The following PRDX2 variants were observed in gnomAD, a reference collection of about 807,000 sequenced individuals.
PRDX2 encodes peroxiredoxin 2, also known as peroxiredoxin-2.
In PRDX2, 10 loss-of-function variants were observed where a neutral mutation model predicts 19.8. The ratio of observed to expected loss-of-function variants is 0.50; its 90% CI spans 0.31 to 0.86. PRDX2 has a LOEUF of 0.86. Among genes scored for constraint, PRDX2 ranks in the 40% least tolerant of loss-of-function variants. PRDX2 has a pLI of 0.04. For synonymous variants in PRDX2, 118 were observed against 108.2 expected (o/e 1.09, Z -0.56); for missense variants, 226 against 260.1 (o/e 0.87, Z 0.90).
rs1968802607 is a variant in PRDX2, at chr19:12,797,085, TTG to T, written c.591_592del (p.His197GlnfsTer63). 2 of 1,613,922 alleles carry T rather than the reference TTG, an allele frequency of 1.2e-6. No homozygotes were observed. The highest frequency in any genetic ancestry group is 1.7e-6 in the Non-Finnish European group (2 of 1,180,018). ...GCTCACTATCCGTTAGCCAGCCTAA[TTG>T]TGTTTGGAGAAATATTCCTTGCTGT... On this transcript the variant is annotated frameshift_variant, in exon 6 of 6. Coordinates refer to ENST00000301522, the MANE Select transcript of PRDX2 (RefSeq NM_005809.6). LOFTEE classifies it high-confidence loss of function.
chr19:12,800,523 T>A, intron 3 of PRDX2: 1 of 804,218 alleles, frequency 1.2e-6, no homozygotes, highest in South Asian at 1.9e-5. Flanking sequence ...TGGCTTCACA[T>A]GTACTTGTAA....
chr19:12,798,587 G>A (rs1376302825), intron 5 of PRDX2, among the ~76,000 whole-genome samples: 1 of 150,392 alleles, frequency 6.6e-6, no homozygotes, highest in South Asian at 2.1e-4. Flanking sequence ...CCGACCTCAG[G>A]TGATCCACCC....
At chr19:12,797,658 T>TTC (rs1161068776) in intron 5 of PRDX2, among the ~76,000 whole-genome samples, 81 of 140,228 alleles carry the variant, frequency 5.8e-4, no homozygotes, top group African/African-American at 2.1e-3. Flanking sequence ...CTTTCTTTCT[T>TTC]TTTTTTTTTT....
chr19:12,801,399 G>A lies in PRDX2; in HGVS notation c.-9-129C>T, dbSNP rs144735937. The A allele has an allele frequency of 2.9e-4, 292 of 1,007,378 alleles. No homozygotes were observed. The African/African-American group carries it at 3.7e-3, about 13-fold the overall frequency. 62.4% of individuals were successfully genotyped at this position (1,007,378 alleles called of 1,614,324 possible). On this transcript the variant is annotated intron_variant, in intron 1 of 5. Transcript: ENST00000301522. The stretch of plus-strand genomic sequence containing the variant: ...CGACAGCACTAACCCTCACCCTCCC[G>A]GGTACCCGGTCTACGAGGCCCGGAG...
At chr19:12,799,549 G>A (rs367886431) in intron 5 of PRDX2, 7 of 230,340 alleles carry the variant, frequency 3.0e-5, no homozygotes, top group African/African-American at 9.1e-5. Context: ...TCGTAGAGAC[G>A]GGGTTTCACC....
chr19:12,798,266 C>T (rs993064717), intron 5 of PRDX2, among the ~76,000 whole-genome samples: 11 of 151,902 alleles, frequency 7.2e-5, no homozygotes, highest in African/African-American at 2.7e-4. Context: ...AGGATGGTCT[C>T]GATCTCCTGA....
intron 5 of PRDX2, among the ~76,000 whole-genome samples, chr19:12,798,346 C>CTT (rs879842677): frequency 2.2e-5 from 3 of 138,096 alleles, no homozygotes; most frequent in Non-Finnish European, 3.2e-5. Context: ...TGCCCGGCCT[C>CTT]TTTTTTTTTT....
Position 12,800,902 on chromosome 19 carries a change from G to A in PRDX2, c.257+14C>T. 2.5e-6 allele frequency: 4 copies of A among 1,599,336 alleles called. No individual in the cohort carries two copies. In the African/African-American group the frequency reaches 5.4e-5, roughly 21 times the overall value. The stretch of plus-strand genomic sequence containing the variant: ...AGCTTAGCTGCAACCTCCCTCTTTG[G>A]CCCCTGCTCATACCAAGCCAGGTGG... On this transcript the variant is annotated intron_variant, in intron 3 of 5. Transcript: ENST00000301522.
intron 3 of PRDX2, 48 bp from the exon 4 acceptor site, chr19:12,800,347 C>T: frequency 1.3e-6 from 2 of 1,590,538 alleles, no homozygotes; most frequent in Non-Finnish European, 1.7e-6. Context: ...CCTGGCACAG[C>T]AGGGTCCTCA....
At position 12,801,065 on chromosome 19, in the gene PRDX2, C is replaced by G. The variant is rs1039615846; in HGVS notation, c.108G>C (p.Lys36Asn). 1 of 1,610,684 alleles carries G rather than the reference C, an allele frequency of 6.2e-7. No homozygotes were observed. The highest frequency in any genetic ancestry group is 8.5e-7 in the Non-Finnish European group (1 of 1,177,796). ...GAGGGTAGAAAAAGAGGACCACGTA[C>G]TTCCCTGGGGAGGAGGGACACAGAG... ...KEVKLSDYKGKYVVLFFYPLD... is the reference protein window; with the variant it reads ...KEVKLSDYKGNYVVLFFYPLD... Residue 36 changes from lysine to asparagine, a missense_variant, in exon 3 of 6, where the codon AAG becomes AAC. Lys to Asn is a moderately conservative substitution (Grantham distance 94, BLOSUM62 0). Transcript: ENST00000301522.
At chr19:12,798,889 C>T (rs930603159) in intron 5 of PRDX2, among the ~76,000 whole-genome samples, 1 of 151,660 alleles carries the variant, frequency 6.6e-6, no homozygotes, top group African/African-American at 2.4e-5. Context: ...TCTGCCCCAC[C>T]CCTACAGGTT....
In PRDX2 at chr19:12,796,972, G is replaced by A; in HGVS notation, c.*109C>T. The A allele has an allele frequency of 1.9e-6, 2 of 1,061,334 alleles. No homozygotes were observed. The highest frequency in any genetic ancestry group is 1.4e-5 in the South Asian group (1 of 69,770). 65.7% of individuals were successfully genotyped at this position (1,061,334 alleles called of 1,614,324 possible). A position where few individuals can be genotyped will look rare whatever the true frequency, so the allele number is the denominator to read the frequency against. ...GTCCCATACTGTGGAGTTTGGAGGG[G>A]CAGGTCTGGCCTTTCCTGGGTCAGC... On this transcript the variant is annotated 3_prime_UTR_variant, in exon 6 of 6. Coordinates refer to ENST00000301522, the MANE Select transcript of PRDX2 (RefSeq NM_005809.6).
intron 3 of PRDX2, 34 bp downstream of exon 3, chr19:12,800,882 A>G: frequency 6.3e-7 from 1 of 1,579,866 alleles, no homozygotes; most frequent in East Asian, 2.4e-5. Context: ...GTGTGAGCTT[A>G]GCTGCAACCT....
chr19:12,797,015 G>C lies in PRDX2; in HGVS notation c.*66C>G. 1 of 1,546,934 alleles carries C rather than the reference G, an allele frequency of 6.5e-7. No homozygotes were observed. The highest frequency in any genetic ancestry group is 8.9e-7 in the Non-Finnish European group (1 of 1,124,712). On this transcript the variant is annotated 3_prime_UTR_variant, in exon 6 of 6. Coordinates refer to ENST00000301522, the MANE Select transcript of PRDX2 (RefSeq NM_005809.6). ...GGGTCAGCATAGGGCACCCAGGTGG[G>C]GGCACAGGTGGACACCCAGCACAGG...
rs758670704 is a variant in PRDX2 at position 12,799,916 on chromosome 19, C to T, written c.454G>A (p.Val152Met). 1.4e-5 allele frequency: 23 copies of T among 1,613,868 alleles called. No homozygotes were observed. Among genetic ancestry groups the T allele is most frequent in the Admixed American group, 5.0e-5 (3 of 60,002 alleles). ...TGGACCAGCCGCAGAGCCTCATCCA[C>T]GGAGCGTCCCACAGGCAAATCATTA... ...TVNDLPVGRS[V>M]DEALRLVQAF... is the part of the protein sequence containing the mutation. Residue 152 changes from valine to methionine, a missense_variant, in exon 5 of 6, where the codon GTG (valine) becomes ATG (methionine). Coordinates refer to ENST00000301522, the MANE Select transcript of PRDX2 (RefSeq NM_005809.6).
chr19:12,800,809 T>C, intron 3 of PRDX2, 107 bp downstream of exon 3: 3 of 1,549,626 alleles, frequency 1.9e-6, no homozygotes, highest in Middle Eastern at 1.7e-4. Context: ...ATTTTCACGA[T>C]GGGGAAACGC....
intron 3 of PRDX2, 170 bp downstream of exon 3, chr19:12,800,746 A>C: frequency 6.6e-7 from 1 of 1,518,066 alleles, no homozygotes. Flanking sequence ...ACTAGTTGTC[A>C]AATGCTAATT....
chr19:12,800,210 C>A lies in PRDX2; in HGVS notation c.347G>T (p.Gly116Val), dbSNP rs764172112. The change falls in exon 4 of 6, where the codon GGC becomes GTC. Residue 116 changes from glycine to valine, a missense_variant. Physicochemically the swap from Gly to Val is moderately radical, Grantham distance 109. Transcript: ENST00000301522. ...DVTRRLSEDYGVLKTDEGIAY... is the reference protein window; with the variant it reads ...DVTRRLSEDYVVLKTDEGIAY... ...AATGCCCTCATCTGTTTTCAGCACGCCGTAATCCTCAGACAAGCGTCTGGT... is the reference window on the plus strand; with the variant it reads ...AATGCCCTCATCTGTTTTCAGCACGACGTAATCCTCAGACAAGCGTCTGGT... 4.3e-6 allele frequency: 7 copies of A among 1,613,914 alleles called. No homozygotes were observed. In the South Asian group the frequency reaches 6.6e-5, roughly 15 times the overall value.
intron 1 of PRDX2, among the ~76,000 whole-genome samples, chr19:12,801,525 C>T (rs1031225289): frequency 1.3e-5 from 2 of 152,252 alleles, no homozygotes; most frequent in Non-Finnish European, 2.9e-5. Flanking sequence ...CGCAAGCCCC[C>T]AGCCCAGAAG....
Sources: gnomAD v4.1 joint callset for allele counts (sites outside exome capture counted in the v4.1 genomes callset) on GRCh38, gnomAD v4.1.1 for gene constraint, MANE v1.5 for transcripts, NCBI Gene and HGNC (gene_info 2026-07-23, HGNC 2026-07-21) for gene names.